MYPN: variants seen among roughly 807,000 people sequenced by gnomAD.
The protein encoded by MYPN is sarcomeric protein myopalladin, 145 kDa (MYOP).
A neutral mutation model predicts 129.4 loss-of-function variants in MYPN; 63 were observed. The observed-to-expected ratio is 0.49, with a 90% confidence interval of 0.40 to 0.60. The LOEUF (loss-of-function observed/expected upper bound fraction) is 0.60, where lower values mean the gene tolerates loss of function less well. MYPN is among the 20% of genes least tolerant of loss of function. The pLI is 0.00. For synonymous variants in MYPN, 629 were observed against 600.9 expected, an observed-to-expected ratio of 1.05 and a Z score of -0.68; for missense variants, 1,596 against 1,635.4, an observed-to-expected ratio of 0.98 and a Z score of 0.42.
rs765102451 is a variant in MYPN, at chr10:68,210,344, C to T, written c.3852C>T (p.Tyr1284=). The T allele has an allele frequency of 5.6e-6, 9 of 1,613,992 alleles. No homozygotes were observed. Among genetic ancestry groups the T allele is most frequent in the East Asian group, 4.5e-5 (2 of 44,896 alleles). ...PMSVRPSGSR[Y]GSLTSKGLDI... ...CTGTCCGGCCCAGTGGCAGTCGCTA[C>T]GGATCTCTCACCAGTAAAGGACTTG... Residue 1284 remains tyrosine (Y), a synonymous_variant, in exon 20 of 20, where the codon TAC becomes TAT. Transcript: ENST00000358913.
At chr10:68,207,194 G>T (rs2043831618) in intron 19 of MYPN, among the ~76,000 whole-genome samples, 1 of 152,108 alleles carries the variant, frequency 6.6e-6, no homozygotes, top group South Asian at 2.1e-4. Context: ...GGAGGCAGAG[G>T]TTGCAGTGAC....
At chr10:68,210,157 C>T (rs2043884906) in intron 19 of MYPN, 129 bp from the exon 20 acceptor site, 2 of 1,013,268 alleles carry the variant, frequency 2.0e-6, no homozygotes, top group Admixed American at 2.2e-5. Flanking sequence ...CAATTCAGAC[C>T]CAGGTATAGT....
At chr10:68,203,654 AC>A (rs2043756257) in intron 18 of MYPN, among the ~76,000 whole-genome samples, 1 of 151,914 alleles carries the variant, frequency 6.6e-6, no homozygotes, top group South Asian at 2.1e-4. Context: ...AAAACCACAC[AC>A]CTAGGAACAT....
At chr10:68,123,803 A>C (rs2042287197) in intron 2 of MYPN, among the ~76,000 whole-genome samples, 1 of 152,196 alleles carries the variant, frequency 6.6e-6, no homozygotes, top group African/African-American at 2.4e-5. Flanking sequence ...TAATGACTAC[A>C]GTATTGGACA....
intron 12 of MYPN, among the ~76,000 whole-genome samples, chr10:68,182,927 T>A (rs2134237187): frequency 6.6e-6 from 1 of 152,350 alleles, no homozygotes; most frequent in Admixed American, 6.5e-5. Context: ...ACATTTATAG[T>A]CAAATAAAAT....
chr10:68,133,052 G>A (rs1311884252), intron 2 of MYPN, among the ~76,000 whole-genome samples: 2 of 135,062 alleles, frequency 1.5e-5, no homozygotes, highest in South Asian at 5.2e-4. Flanking sequence ...TTGAGATGGA[G>A]TCTTGCTCTG....
chr10:68,158,698 A>G, intron 7 of MYPN, 71 bp downstream of exon 7: 2 of 1,103,644 alleles, frequency 1.8e-6, no homozygotes, highest in Admixed American at 2.4e-5. Flanking sequence ...TTATTTTTAT[A>G]ACTTTTTAAC....
chr10:68,163,630 A>AAAAT (rs1049165373), intron 8 of MYPN, among the ~76,000 whole-genome samples: 1 of 152,188 alleles, frequency 6.6e-6, no homozygotes, highest in African/African-American at 2.4e-5. Context: ...CTCCATCTCA[A>AAAAT]AAATAAATAA....
chr10:68,144,166 A>G (rs1009295448), intron 3 of MYPN, among the ~76,000 whole-genome samples: 8 of 152,206 alleles, frequency 5.3e-5, no homozygotes, highest in African/African-American at 9.7e-5. Flanking sequence ...CATTGGCATC[A>G]GGTTTATATG....
At position 68,192,659 on chromosome 10, in the gene MYPN, G is replaced by A. The variant is rs1397922117; in HGVS notation, c.2926-1704G>A. ...TAGGCCCTGGGCTTTTCTTGGATGG[G>A]AGACTTTTTCGTTACTGCTTCAATC... On this transcript the variant is annotated intron_variant, in intron 13 of 19. Transcript: ENST00000358913. Among the ~76,000 whole-genome samples, 6 of 152,250 alleles carry A rather than the reference G, an allele frequency of 3.9e-5. No homozygotes were observed. The East Asian group carries it at 1.2e-3, about 29-fold the overall frequency.
At chr10:68,157,575 T>C (rs969918100) in intron 6 of MYPN, among the ~76,000 whole-genome samples, 2 of 150,238 alleles carry the variant, frequency 1.3e-5, no homozygotes, top group Non-Finnish European at 2.9e-5. Context: ...AGCTCAAGCC[T>C]GTAATCCCAG....
chr10:68,171,108 C>G (rs1338999848), intron 10 of MYPN, among the ~76,000 whole-genome samples: 1 of 147,008 alleles, frequency 6.8e-6, no homozygotes, highest in African/African-American at 2.5e-5. Flanking sequence ...GAGATCATGC[C>G]ACTGCACTCC....
intron 19 of MYPN, among the ~76,000 whole-genome samples, chr10:68,207,136 T>C (rs1252040815): frequency 6.6e-6 from 1 of 151,970 alleles, no homozygotes; most frequent in African/African-American, 2.4e-5. Context: ...CACACACCTG[T>C]AATCCCAGCT....
intron 1 of MYPN, among the ~76,000 whole-genome samples, chr10:68,120,286 T>G (rs751942016): frequency 2.9e-4 from 44 of 152,298 alleles, no homozygotes; most frequent in Middle Eastern, 3.4e-3. Context: ...GGATATAATA[T>G]TAAAAATACA....
chr10:68,168,358 T>C (rs1001878526), intron 10 of MYPN, among the ~76,000 whole-genome samples: 3 of 152,176 alleles, frequency 2.0e-5, no homozygotes, highest in African/African-American at 7.2e-5. Context: ...AATTGCCTCC[T>C]TTGTAGGACT....
chr10:68,155,812 C>T (rs763942560), intron 6 of MYPN, among the ~76,000 whole-genome samples: 31 of 152,158 alleles, frequency 2.0e-4, no homozygotes, highest in Non-Finnish European at 3.4e-4. Flanking sequence ...TGTGAGATGA[C>T]CCTTGGCACC....
chr10:68,120,561 T>TA (rs1015392246), intron 1 of MYPN, among the ~76,000 whole-genome samples: 4 of 152,180 alleles, frequency 2.6e-5, no homozygotes, highest in African/African-American at 4.8e-5. Context: ...AGGTTGAGCC[T>TA]AATAACAACA....
chr10:68,130,318 G>A (rs2134021639), intron 2 of MYPN, among the ~76,000 whole-genome samples: 1 of 152,196 alleles, frequency 6.6e-6, no homozygotes, highest in African/African-American at 2.4e-5. Context: ...AAATTAGCCA[G>A]GCGTGGTGGC....
At chr10:68,161,621 C>A in intron 7 of MYPN, 108 bp from the exon 8 acceptor site, 1 of 783,318 alleles carries the variant, frequency 1.3e-6, no homozygotes, top group South Asian at 1.6e-5. Flanking sequence ...CTTATTGTAT[C>A]ACTCCTGAGT....
Sources: gnomAD v4.1 joint callset for allele counts (sites outside exome capture counted in the v4.1 genomes callset) on GRCh38, gnomAD v4.1.1 for gene constraint, MANE v1.5 for transcripts, NCBI Gene and HGNC (gene_info 2026-07-23, HGNC 2026-07-21) for gene names.